NEK1: variants seen among roughly 807,000 people sequenced by gnomAD.
The protein encoded by NEK1 is NIMA related kinase 1, also known as serine/threonine-protein kinase Nek1.
Under a neutral mutation model 182.1 loss-of-function variants are expected in NEK1, and 137 were observed. The observed-to-expected ratio is 0.75, with a 90% confidence interval of 0.65 to 0.87. NEK1 has a LOEUF of 0.87. NEK1 is among the 40% of genes least tolerant of loss of function. The pLI, the probability that NEK1 is intolerant of heterozygous loss-of-function variation, is 0.00. For missense variants in NEK1, 1,391 were observed against 1,494.4 expected (o/e 0.93, Z 1.14); for synonymous variants, 513 against 492.2 (o/e 1.04, Z -0.56).
intron 12 of NEK1, chr4:169,576,675 A>C (rs1765732310): frequency 7.3e-6 from 2 of 274,684 alleles, no homozygotes; most frequent in African/African-American, 4.5e-5. Context: ...TAGGTTGCTC[A>C]AAAGTTATTT....
intron 5 of NEK1, among the ~76,000 whole-genome samples, chr4:169,591,211 T>C (rs931150577): frequency 1.3e-5 from 2 of 151,174 alleles, no homozygotes; most frequent in African/African-American, 2.4e-5. Context: ...AGTCGTGTTA[T>C]CATAGTTCAC....
chr4:169,593,920 C>T (rs1371203412), intron 5 of NEK1, among the ~76,000 whole-genome samples: 1 of 150,180 alleles, frequency 6.7e-6, no homozygotes, highest in East Asian at 2.0e-4. Flanking sequence ...ACCCGGGAGA[C>T]GGAGCTTGCA....
At chr4:169,569,928 G>C (rs1764411918) in intron 12 of NEK1, among the ~76,000 whole-genome samples, 1 of 152,168 alleles carries the variant, frequency 6.6e-6, no homozygotes, top group African/African-American at 2.4e-5. Flanking sequence ...TCTGGGAAGT[G>C]AGGAGCGTCT....
chr4:169,467,390 T>C (rs896195142), intron 26 of NEK1, among the ~76,000 whole-genome samples: 29 of 152,238 alleles, frequency 1.9e-4, no homozygotes, highest in African/African-American at 6.3e-4. Context: ...CAATTGAAGA[T>C]AGGCTGTGCT....
chr4:169,423,541 C>T (rs1300252746), intron 31 of NEK1, among the ~76,000 whole-genome samples: 1 of 152,150 alleles, frequency 6.6e-6, no homozygotes, highest in African/African-American at 2.4e-5. Context: ...TAACATTACT[C>T]ATTTGATAAA....
At chr4:169,443,971 G>T (rs1471592273) in intron 27 of NEK1, among the ~76,000 whole-genome samples, 1 of 152,150 alleles carries the variant, frequency 6.6e-6, no homozygotes, top group Non-Finnish European at 1.5e-5. Flanking sequence ...AAAAATGAAG[G>T]AGAAATAAAG....
At chr4:169,589,379 A>C (rs1205201696) in intron 7 of NEK1, 68 bp downstream of exon 7, 1 of 871,510 alleles carries the variant, frequency 1.1e-6, no homozygotes, top group African/African-American at 1.7e-5. Context: ...ATTATCACAT[A>C]TACATCATCA....
rs576501077 is a variant in NEK1 at position 169,477,006 on chromosome 4, T to C, written c.2434+118A>G. 1.1e-3 allele frequency: 706 copies of C among 671,576 alleles called. 9 individuals are homozygous for C. In the South Asian group the frequency reaches 0.016, roughly 15 times the overall value. 41.6% of individuals were successfully genotyped at this position (671,576 alleles called of 1,614,324 possible). A position where few individuals can be genotyped will look rare whatever the true frequency, so the allele number is the denominator to read the frequency against. On this transcript the variant is annotated intron_variant, in intron 26 of 35. Transcript: ENST00000507142. ...TCTATTCGCCCAAAAGGAAAATATA[T>C]AGAATTCTTTCAGCTTCTCTCAATT...
At chr4:169,583,977 A>AT (rs1767105015) in intron 10 of NEK1, among the ~76,000 whole-genome samples, 1 of 152,224 alleles carries the variant, frequency 6.6e-6, no homozygotes, top group Non-Finnish European at 1.5e-5. Context: ...CTCCATGAGC[A>AT]TATAAAACTA....
At chr4:169,460,126 AG>A (rs1743684226) in intron 27 of NEK1, among the ~76,000 whole-genome samples, 1 of 152,066 alleles carries the variant, frequency 6.6e-6, no homozygotes, top group African/African-American at 2.4e-5. Flanking sequence ...GTATGGGGGA[AG>A]GGCATATACA....
At chr4:169,585,206 T>C (rs1052962575) in intron 10 of NEK1, 143 bp downstream of exon 10, 5 of 593,176 alleles carry the variant, frequency 8.4e-6, no homozygotes, top group East Asian at 2.8e-5. Context: ...AGAAAGACCA[T>C]GGAAAGGAAA....
At chr4:169,396,873 T>C (rs143385800) in intron 35 of NEK1, among the ~76,000 whole-genome samples, 43 of 152,312 alleles carry the variant, frequency 2.8e-4, no homozygotes, top group African/African-American at 9.9e-4. Context: ...GTACCATATG[T>C]AGATGACATG....
intron 27 of NEK1, among the ~76,000 whole-genome samples, chr4:169,447,986 A>G (rs955078723): frequency 6.6e-6 from 1 of 151,918 alleles, no homozygotes; most frequent in African/African-American, 2.4e-5. Flanking sequence ...GGAATTTGAA[A>G]CCAGCCTGGG....
chr4:169,484,515 CTG>C (rs1748698447), intron 23 of NEK1, among the ~76,000 whole-genome samples: 1 of 151,904 alleles, frequency 6.6e-6, no homozygotes, highest in South Asian at 2.1e-4. Flanking sequence ...TCTGAGGGGA[CTG>C]TAAATTAGAA....
At chr4:169,467,303 C>T (rs1745112122) in intron 26 of NEK1, among the ~76,000 whole-genome samples, 1 of 151,990 alleles carries the variant, frequency 6.6e-6, no homozygotes, top group Non-Finnish European at 1.5e-5. Flanking sequence ...GGGGATTCAA[C>T]ACCCCCAACC....
chr4:169,584,855 G>A (rs1580966600), intron 10 of NEK1, among the ~76,000 whole-genome samples: 1 of 152,050 alleles, frequency 6.6e-6, no homozygotes, highest in Admixed American at 6.6e-5. Flanking sequence ...GAGGAATAAC[G>A]CATAACTGGA....
At chr4:169,502,876 G>A (rs981056717) in intron 23 of NEK1, among the ~76,000 whole-genome samples, 2 of 152,058 alleles carry the variant, frequency 1.3e-5, no homozygotes, top group Admixed American at 6.6e-5. Context: ...GGCAGTCCCA[G>A]CCAGAGCAAT....
At chr4:169,439,115 C>CT (rs1317569316) in intron 27 of NEK1, among the ~76,000 whole-genome samples, 7 of 152,302 alleles carry the variant, frequency 4.6e-5, no homozygotes, top group African/African-American at 1.7e-4. Flanking sequence ...TAGTCATTCT[C>CT]TTGTGCATCC....
rs775849720 is a variant in NEK1 at position 169,507,051 on chromosome 4, C to CT, written c.1992dup (p.Val665SerfsTer9). On this transcript the variant is annotated frameshift_variant, in exon 23 of 36. Coordinates refer to ENST00000507142, the MANE Select transcript of NEK1 (RefSeq NM_001199397.3). LOFTEE classifies it high-confidence loss of function. ...CTAAATCTTACATGCTCTTCCCACACTTTTTTTTCTCTCTCATAAGCCTCC... is the reference window on the plus strand; with the variant it reads ...CTAAATCTTACATGCTCTTCCCACACTTTTTTTTTCTCTCTCATAAGCCTCC... 24 of 1,605,368 alleles carry CT rather than the reference C, an allele frequency of 1.5e-5. No homozygotes were observed. The highest frequency in any genetic ancestry group is 5.6e-5 in the South Asian group (5 of 89,692).
Sources: allele counts gnomAD v4.1 joint callset (sites outside exome capture counted in the v4.1 genomes callset), GRCh38; gene constraint gnomAD v4.1.1; transcripts MANE v1.5; gene names NCBI Gene and HGNC (gene_info 2026-07-23, HGNC 2026-07-21).